The following CYGB variants were observed in gnomAD, a reference collection of about 807,000 sequenced individuals.
CYGB encodes the protein histoglobin.
A neutral mutation model predicts 20.7 loss-of-function variants in CYGB; 13 were observed. The ratio of observed to expected loss-of-function variants is 0.63; its 90% CI spans 0.41 to 1.00. The LOEUF (loss-of-function observed/expected upper bound fraction) is 1.00. CYGB is among the 50% of genes least tolerant of loss of function. CYGB has a pLI of 0.00. For missense variants in CYGB, 218 were observed against 257.2 expected (o/e 0.85, Z 1.04); for synonymous variants, 93 against 107.4 (o/e 0.87, Z 0.83).
At chr17:76,549,683 G>A (rs1013271205) in intron 1 of CYGB, among the ~76,000 whole-genome samples, 1 of 152,162 alleles carries the variant, frequency 6.6e-6, no homozygotes, top group South Asian at 2.1e-4. Context: ...AATATTCCTC[G>A]ACGTGGGAAC....
upstream of CYGB, chr17:76,537,968 G>A (rs2074940031): frequency 6.6e-6 from 1 of 151,380 alleles, no homozygotes; most frequent in African/African-American, 2.4e-5. Context: ...GGGGCGCTGG[G>A]GGTCCCGGGA....
At chr17:76,543,624 C>T (rs2075017901) in intron 1 of CYGB, among the ~76,000 whole-genome samples, 1 of 152,242 alleles carries the variant, frequency 6.6e-6, no homozygotes, top group Non-Finnish European at 1.5e-5. Flanking sequence ...TCCTACCCAC[C>T]ATGGCAGGCG....
At chr17:76,545,513 G>A (rs2075045985) in intron 1 of CYGB, 2 of 383,296 alleles carry the variant, frequency 5.2e-6, no homozygotes, top group Admixed American at 3.0e-5. Context: ...CAAAGGGTGG[G>A]GTCCCTTCTG....
intron 1 of CYGB, among the ~76,000 whole-genome samples, chr17:76,547,590 T>C (rs2075064003): frequency 6.6e-6 from 1 of 152,060 alleles, no homozygotes; most frequent in African/African-American, 2.4e-5. Flanking sequence ...AGACTCAGCC[T>C]GTGCACCTGG....
chr17:76,529,350 T>G (rs1003197497), intron 3 of CYGB: 19 of 985,188 alleles, frequency 1.9e-5, no homozygotes, highest in Non-Finnish European at 2.4e-6. Flanking sequence ...CGGTAGCCCA[T>G]CTCCATTCAG....
chr17:76,540,473 T>C, upstream of CYGB: 1 of 1,610,434 alleles, frequency 6.2e-7, no homozygotes, highest in Non-Finnish European at 8.5e-7. The surrounding 1 kb of genome is among the most constrained non-coding windows in gnomAD (Gnocchi z 5.0). Context: ...GGCACAGCCA[T>C]AGCTCTTCCT....
chr17:76,547,772 T>C (rs985676756), intron 1 of CYGB, among the ~76,000 whole-genome samples: 3 of 143,436 alleles, frequency 2.1e-5, no homozygotes, highest in African/African-American at 7.9e-5. Flanking sequence ...TATACAAACA[T>C]ATAATACACA....
chr17:76,543,661 C>T, intron 1 of CYGB: 1 of 427,968 alleles, frequency 2.3e-6, no homozygotes. Flanking sequence ...TAACAGTTTG[C>T]AGGGGTTGGG....
intron 1 of CYGB, chr17:76,545,269 G>T: frequency 2.2e-6 from 1 of 456,768 alleles, no homozygotes. Flanking sequence ...CCTGGGACCC[G>T]GGTGCCCCTT....
At position 76,528,206 on chromosome 17, in the gene CYGB, G is replaced by A. The variant is rs1159112846; in HGVS notation, c.*372C>T. 1 of 398,048 alleles carries A rather than the reference G, an allele frequency of 2.5e-6. No individual in the cohort carries two copies. Among genetic ancestry groups the A allele is most frequent in the Admixed American group, 4.4e-5 (1 of 22,796 alleles). 24.7% of individuals were successfully genotyped at this position (398,048 alleles called of 1,614,324 possible). A position where few individuals can be genotyped will look rare whatever the true frequency, so the allele number is the denominator to read the frequency against. On this transcript the variant is annotated 3_prime_UTR_variant, in exon 4 of 4. Coordinates refer to ENST00000293230, the MANE Select transcript of CYGB (RefSeq NM_134268.5). This position sits in a 1 kb window ranked among gnomAD's most constrained non-coding sequence, Gnocchi z 5.8. Reference sequence around the variant, plus strand: ...TGGTAGATGTGTGCGTGATACTCTAGATGGTGATGTGGAGACCTGCATGCT... The same window carrying A: ...TGGTAGATGTGTGCGTGATACTCTAAATGGTGATGTGGAGACCTGCATGCT...
chr17:76,542,745 C>T (rs553550908), intron 1 of CYGB: 9 of 730,432 alleles, frequency 1.2e-5, no homozygotes, highest in Non-Finnish European at 2.2e-5. Flanking sequence ...TCAGCTCTTG[C>T]CACTGATGGA....
upstream of CYGB, chr17:76,538,368 C>G (rs929732834): frequency 2.8e-6 from 1 of 355,862 alleles, no homozygotes; most frequent in Admixed American, 3.4e-5. Context: ...CCCCGGCTGT[C>G]GGAACTTGAG....
chr17:76,532,397 CT>C, intron 1 of CYGB, among the ~76,000 whole-genome samples: 1 of 152,302 alleles, frequency 6.6e-6, no homozygotes, highest in Non-Finnish European at 1.5e-5. Flanking sequence ...TGCTTTGCCC[CT>C]GAGGCCATTG....
At chr17:76,529,879 G>A (rs558736090) in intron 3 of CYGB, 214 of 985,252 alleles carry the variant, frequency 2.2e-4, no homozygotes, top group Admixed American at 6.8e-4. Flanking sequence ...AGTTCCCGAG[G>A]ACTCCACTCT....
intron 1 of CYGB, chr17:76,544,262 C>G (rs1232831032): frequency 4.4e-6 from 2 of 454,568 alleles, no homozygotes; most frequent in South Asian, 3.1e-5. Flanking sequence ...GCGGCGATGT[C>G]TCTGCCTGGC....
At position 76,532,530 on chromosome 17, in the gene CYGB, CTT is replaced by C. The variant is rs111936272; in HGVS notation, c.144-841_144-840del. On this transcript the variant is annotated intron_variant, in intron 1 of 3. Coordinates refer to ENST00000293230, the MANE Select transcript of CYGB (RefSeq NM_134268.5). The stretch of plus-strand genomic sequence containing the variant: ...CCTGCAGTGTGAAAAATGACAATGG[CTT>C]TTTTTTTTTTTTTTTTTGAGATGGA... Among the ~76,000 whole-genome samples the C allele has an allele frequency of 4.4e-4, 55 of 125,688 alleles. 1 individual carries two copies. Among genetic ancestry groups the C allele is most frequent in the Admixed American group, 3.1e-3 (38 of 12,202 alleles). The allele number at this position is 125,688 out of a possible 152,430, so 82.5% of individuals were successfully genotyped here.
chr17:76,540,265 A>AT (rs2074974624), upstream of CYGB: 1 of 424,014 alleles, frequency 2.4e-6, no homozygotes, highest in Non-Finnish European at 4.2e-6. This position sits in a 1 kb window ranked among gnomAD's most constrained non-coding sequence, Gnocchi z 5.0. Flanking sequence ...GGGGGGGGGC[A>AT]TGGGGCTGGG....
chr17:76,528,631 G>T lies in CYGB; in HGVS notation c.540-20C>A. 7.9e-7 allele frequency: 1 copy of T among 1,272,918 alleles called. No individual in the cohort carries two copies. The allele number at this position is 1,272,918 out of a possible 1,614,324, so 78.9% of individuals were successfully genotyped here. ...GGTGGGCTGTGGACGAGATAGGAAGGGAAGGACAAACGTTACCAGAGGCAG... is the reference window on the plus strand; with the variant it reads ...GGTGGGCTGTGGACGAGATAGGAAGTGAAGGACAAACGTTACCAGAGGCAG... On this transcript the variant is annotated intron_variant, in intron 3 of 3. Coordinates refer to ENST00000293230, the MANE Select transcript of CYGB (RefSeq NM_134268.5). The surrounding 1 kb of genome is among the most constrained non-coding windows in gnomAD (Gnocchi z 5.8).
intron 1 of CYGB, among the ~76,000 whole-genome samples, chr17:76,535,696 A>G (rs1035824204): frequency 1.3e-5 from 2 of 152,164 alleles, no homozygotes; most frequent in Admixed American, 6.5e-5. Context: ...AGAGAGAGAA[A>G]GAAATCCTTG....
Sources: allele counts gnomAD v4.1 joint callset (sites outside exome capture counted in the v4.1 genomes callset), GRCh38; gene constraint gnomAD v4.1.1; non-coding constraint Gnocchi (gnomAD v3.1); transcripts MANE v1.5; gene names NCBI Gene and HGNC (gene_info 2026-07-23, HGNC 2026-07-21).